WDFY4: variants seen among roughly 807,000 people sequenced by gnomAD.
WDFY4 encodes the protein WDFY family member 4.
In WDFY4, 169 loss-of-function variants were observed where a neutral mutation model predicts 351.9. The ratio of observed to expected loss-of-function variants is 0.48; its 90% CI spans 0.42 to 0.55. The LOEUF (loss-of-function observed/expected upper bound fraction) is 0.55, where lower values mean the gene tolerates loss of function less well. Among genes scored for constraint, WDFY4 ranks in the 20% least tolerant of loss-of-function variants. The pLI is 0.00. For synonymous variants in WDFY4, 1,622 were observed against 1,574.6 expected, an observed-to-expected ratio of 1.03 and a Z score of -0.71; for missense variants, 3,803 against 3,935.6, an observed-to-expected ratio of 0.97 and a Z score of 0.90.
At chr10:48,787,729 T>C (rs912663008) in intron 20 of WDFY4, among the ~76,000 whole-genome samples, 2 of 152,104 alleles carry the variant, frequency 1.3e-5, no homozygotes, top group African/African-American at 4.8e-5. Context: ...AGTGCATCTA[T>C]TTCATGGTAA....
chr10:48,797,668 A>G (rs2066920292), intron 24 of WDFY4, among the ~76,000 whole-genome samples: 1 of 152,110 alleles, frequency 6.6e-6, no homozygotes, highest in African/African-American at 2.4e-5. Flanking sequence ...TTTCTTCATC[A>G]TTTCTCTATT....
intron 1 of WDFY4, among the ~76,000 whole-genome samples, chr10:48,690,682 C>T (rs1200612055): frequency 6.6e-6 from 1 of 152,184 alleles, no homozygotes; most frequent in Non-Finnish European, 1.5e-5. Context: ...GAAGGTAGCT[C>T]TTCTCTGCAG....
chr10:48,805,488 C>T (rs2067223856), intron 26 of WDFY4, 67 bp downstream of exon 26: 1 of 1,500,974 alleles, frequency 6.7e-7, no homozygotes, highest in Non-Finnish European at 8.9e-7. Flanking sequence ...GAGGACAGAC[C>T]CCAGCTCTCT....
At chr10:48,851,544 G>T (rs1354352212) in intron 39 of WDFY4, among the ~76,000 whole-genome samples, 2 of 152,204 alleles carry the variant, frequency 1.3e-5, no homozygotes, top group Non-Finnish European at 2.9e-5. Context: ...CGTGGCTGAA[G>T]TGGCCAGGAC....
At chr10:48,788,144 CAGCCTGCCAA>C (rs1403045767) in intron 20 of WDFY4, among the ~76,000 whole-genome samples, 2 of 151,928 alleles carry the variant, frequency 1.3e-5, no homozygotes, top group Admixed American at 6.6e-5. Flanking sequence ...TCTCCTGCCT[CAGCCTGCCAA>C]GTAGCTGGGA....
chr10:48,747,441 CT>C (rs34636246), intron 12 of WDFY4, among the ~76,000 whole-genome samples: 7 of 152,072 alleles, frequency 4.6e-5, no homozygotes, highest in African/African-American at 1.7e-4. Flanking sequence ...TTCTCCATCC[CT>C]TTTCCTATTA....
At chr10:48,933,128 G>A (rs1840130411) in intron 47 of WDFY4, among the ~76,000 whole-genome samples, 1 of 152,168 alleles carries the variant, frequency 6.6e-6, no homozygotes, top group South Asian at 2.1e-4. Context: ...GGACCATGTG[G>A]ATCCAGGCTC....
chr10:48,757,564 G>A (rs2065373653), intron 12 of WDFY4, among the ~76,000 whole-genome samples: 1 of 151,728 alleles, frequency 6.6e-6, no homozygotes, highest in African/African-American at 2.4e-5. Context: ...TGACAATAGT[G>A]TCTATCAGTT....
chr10:48,856,262 G>A (rs73312042), intron 39 of WDFY4, among the ~76,000 whole-genome samples: 8,789 of 152,010 alleles, frequency 0.058, 871 homozygotes, highest in African/African-American at 0.2. Flanking sequence ...TCTTTTTTGC[G>A]AGATAGCCAC....
At chr10:48,803,923 C>T (rs963365847) in intron 25 of WDFY4, among the ~76,000 whole-genome samples, 2 of 152,214 alleles carry the variant, frequency 1.3e-5, no homozygotes, top group Non-Finnish European at 2.9e-5. Context: ...CTTCAGGTTG[C>T]CCGGGCTTTC....
chr10:48,919,601 G>C (rs1043160240), intron 47 of WDFY4, among the ~76,000 whole-genome samples: 2 of 152,218 alleles, frequency 1.3e-5, no homozygotes, highest in Non-Finnish European at 2.9e-5. Context: ...CATCTGGTAA[G>C]AGCATGCTAC....
At chr10:48,755,735 A>G (rs2065317791) in intron 12 of WDFY4, among the ~76,000 whole-genome samples, 1 of 152,062 alleles carries the variant, frequency 6.6e-6, no homozygotes, top group Admixed American at 6.6e-5. Flanking sequence ...TTTCACCAAT[A>G]TTGTCTTGAT....
intron 47 of WDFY4, among the ~76,000 whole-genome samples, chr10:48,928,000 C>G (rs1839716209): frequency 6.6e-6 from 1 of 152,166 alleles, no homozygotes. Flanking sequence ...GTCAAAGAAC[C>G]AAAGGCAGAC....
Position 48,963,064 on chromosome 10 carries a change from GC to G in WDFY4, c.8224-773del, listed in dbSNP as rs547739456. On this transcript the variant is annotated intron_variant, in intron 53 of 61. Coordinates refer to ENST00000325239, the MANE Select transcript of WDFY4 (RefSeq NM_001394531.1). Reference sequence around the variant, plus strand: ...TGAGATCTGCTCAGTGAGACTGGATGCCCCCTGTGAGGTTCTGAGGAATGAA... The same window carrying G: ...TGAGATCTGCTCAGTGAGACTGGATGCCCCTGTGAGGTTCTGAGGAATGAA... Among the ~76,000 whole-genome samples, 6 of 152,300 alleles carry G rather than the reference GC, an allele frequency of 3.9e-5. No individual in the cohort carries two copies. In the South Asian group the frequency reaches 1.2e-3, roughly 32 times the overall value.
intron 39 of WDFY4, among the ~76,000 whole-genome samples, chr10:48,845,097 CAG>C (rs761218375): frequency 6.6e-6 from 1 of 152,134 alleles, no homozygotes; most frequent in Non-Finnish European, 1.5e-5. Flanking sequence ...TATTTGAGAG[CAG>C]AGAGAGGCCC....
intron 12 of WDFY4, among the ~76,000 whole-genome samples, chr10:48,748,351 A>G (rs2065074824): frequency 6.6e-6 from 1 of 152,234 alleles, no homozygotes; most frequent in Non-Finnish European, 1.5e-5. Context: ...CTGAGAAAGG[A>G]TAAAAAACAT....
intron 13 of WDFY4, among the ~76,000 whole-genome samples, chr10:48,763,079 A>G (rs2065559782): frequency 6.6e-6 from 1 of 152,200 alleles, no homozygotes; most frequent in African/African-American, 2.4e-5. Context: ...GGAGTCTGGG[A>G]TCTTACATTC....
chr10:48,882,085 G>A (rs2070273698), intron 43 of WDFY4, among the ~76,000 whole-genome samples: 1 of 152,214 alleles, frequency 6.6e-6, no homozygotes, highest in African/African-American at 2.4e-5. Flanking sequence ...CAGCCTGACA[G>A]GGCAGCAGGA....
At chr10:48,932,621 G>C (rs1233137491) in intron 47 of WDFY4, 1 of 148,918 alleles carries the variant, frequency 6.7e-6, no homozygotes, top group Non-Finnish European at 1.5e-5. Flanking sequence ...TTCTCGTGAA[G>C]CTACCATGTC....
Sources: gnomAD v4.1 joint callset for allele counts (sites outside exome capture counted in the v4.1 genomes callset) on GRCh38, gnomAD v4.1.1 for gene constraint, MANE v1.5 for transcripts, NCBI Gene and HGNC (gene_info 2026-07-23, HGNC 2026-07-21) for gene names.